Variants in CRBN observed in about 807,000 individuals in gnomAD.
The protein encoded by CRBN is cereblon, also known as protein cereblon.
A neutral mutation model predicts 62.2 loss-of-function variants in CRBN; 53 were observed. The observed-to-expected ratio is 0.85, with a 90% CI of 0.68 to 1.07. CRBN has a LOEUF of 1.07. CRBN is among the 50% of genes least tolerant of loss of function. CRBN has a pLI of 0.00. For synonymous variants in CRBN, 208 were observed against 176.1 expected (o/e 1.18, Z -1.43); for missense variants, 616 against 531.1 (o/e 1.16, Z -1.57).
At chr3:3,172,966 G>A (rs533034525) in intron 3 of CRBN, 41 bp from the exon 4 acceptor site, 14 of 1,546,480 alleles carry the variant, frequency 9.1e-6, no homozygotes, top group Middle Eastern at 3.4e-4. Flanking sequence ...TTGAACATTT[G>A]AGTTTTAAAT....
intron 4 of CRBN, among the ~76,000 whole-genome samples, chr3:3,168,517 G>A (rs1280741164): frequency 1.3e-5 from 2 of 152,160 alleles, no homozygotes; most frequent in African/African-American, 4.8e-5. Flanking sequence ...CTTCCTGTGA[G>A]GCATTCTATC....
At chr3:3,179,695 T>C, upstream of CRBN, 1 of 1,612,932 alleles carries the variant, frequency 6.2e-7, no homozygotes, top group Non-Finnish European at 8.5e-7. Context: ...CATGTCTGTT[T>C]ACCCGCAAAG....
upstream of CRBN, chr3:3,179,707 A>G: frequency 6.2e-7 from 1 of 1,610,596 alleles, no homozygotes; most frequent in Non-Finnish European, 8.5e-7. Context: ...CCCGCAAAGG[A>G]GGCTGGGACA....
At chr3:3,176,349 T>G (rs1173113850) in intron 1 of CRBN, among the ~76,000 whole-genome samples, 2 of 152,186 alleles carry the variant, frequency 1.3e-5, no homozygotes, top group East Asian at 3.8e-4. Flanking sequence ...GCAGGCAAGA[T>G]CTGTTAATTA....
rs1450467473 is a variant in CRBN, at chr3:3,167,684, C to T, written c.637G>A (p.Val213Ile). Residue 213 changes from valine to isoleucine, a missense_variant, in exon 5 of 11, where the codon GTC becomes ATC. Val to Ile is a conservative substitution (Grantham distance 29). Transcript: ENST00000231948. ...NKCQIFPSKP[V>I]SREDQCSYKW... ...TATGAACATTGGTCTTCTCTTGAGA[C>T]AGGTTTTGAAGGAAATATCTGGCAC... is the stretch of plus-strand genomic sequence containing the variant. 1.9e-6 allele frequency: 3 copies of T among 1,613,396 alleles called. No homozygotes were observed. The highest frequency in any genetic ancestry group is 1.7e-6 in the Non-Finnish European group (2 of 1,179,618).
chr3:3,151,833 A>AAACAAACG (rs1706577290), intron 10 of CRBN, among the ~76,000 whole-genome samples: 3 of 151,894 alleles, frequency 2.0e-5, no homozygotes, highest in South Asian at 2.1e-4. Flanking sequence ...TGAAGCAAAC[A>AAACAAACG]AACAAAAGGC....
At chr3:3,178,392 G>A (rs957270899) in intron 1 of CRBN, among the ~76,000 whole-genome samples, 1 of 152,198 alleles carries the variant, frequency 6.6e-6, no homozygotes, top group African/African-American at 2.4e-5. Flanking sequence ...TCCAAGCATA[G>A]ATTTCTTTAG....
chr3:3,169,155 C>G (rs1264972407), intron 4 of CRBN, among the ~76,000 whole-genome samples: 1 of 152,114 alleles, frequency 6.6e-6, no homozygotes, highest in Non-Finnish European at 1.5e-5. Flanking sequence ...GCTTACAGAT[C>G]ATGTTAATTA....
In CRBN at chr3:3,172,794, A is replaced by G. The variant is rs1707674497; in HGVS notation, c.509T>C (p.Leu170Pro). The change falls in exon 4 of 11, where the codon CTA (leucine) becomes CCA (proline). Residue 170 changes from leucine to proline, a missense_variant. Coordinates refer to ENST00000231948, the MANE Select transcript of CRBN (RefSeq NM_016302.4). The part of the protein sequence containing the change: ...IGRQRFKVLE[L>P]RTQSDGIQQA... ...TTCTTACCCATCTGACTGTGTTCTT[A>G]GCTCAAGGACTTTGAACCTTTGTCT... 6.2e-7 allele frequency: 1 copy of G among 1,613,910 alleles called. No individual in the cohort carries two copies. The highest frequency in any genetic ancestry group is 1.7e-5 in the Admixed American group (1 of 60,012).
chr3:3,175,126 ATATC>A (rs764439888), intron 2 of CRBN, 33 bp downstream of exon 2: 2 of 1,266,058 alleles, frequency 1.6e-6, no homozygotes, highest in Non-Finnish European at 2.3e-6. Flanking sequence ...ATTTAAATGT[ATATC>A]TATTATATTA....
Position 3,150,848 on chromosome 3 carries a change from A to ATCTC in CRBN, c.*13_*16dup. Reference sequence around the variant, plus strand: ...TATAACCAATTTGTTAGATAACTTTATCTCTATCACATCTGTTTACAAGCA... The same window carrying ATCTC: ...TATAACCAATTTGTTAGATAACTTTATCTCTCTCTATCACATCTGTTTACAAGCA... On this transcript the variant is annotated 3_prime_UTR_variant, in exon 11 of 11. Coordinates refer to ENST00000231948, the MANE Select transcript of CRBN (RefSeq NM_016302.4). 6.7e-7 allele frequency: 1 copy of ATCTC among 1,484,546 alleles called. No homozygotes were observed. The highest frequency in any genetic ancestry group is 1.4e-5 in the African/African-American group (1 of 71,356). The allele number at this position is 1,484,546 out of a possible 1,614,324, so 92.0% of individuals were successfully genotyped here.
chr3:3,166,011 CA>C (rs1326405060), intron 5 of CRBN, among the ~76,000 whole-genome samples: 10 of 152,084 alleles, frequency 6.6e-5, no homozygotes, highest in Non-Finnish European at 4.4e-5. Context: ...ACTATGGGAG[CA>C]AAATTTCTCA....
At chr3:3,163,065 C>T (rs1237099520) in intron 5 of CRBN, among the ~76,000 whole-genome samples, 1 of 152,178 alleles carries the variant, frequency 6.6e-6, no homozygotes, top group Non-Finnish European at 1.5e-5. Context: ...CTTTTTGATG[C>T]ACACAGAATG....
chr3:3,171,148 G>T (rs1559255063), intron 4 of CRBN, among the ~76,000 whole-genome samples: 2 of 152,108 alleles, frequency 1.3e-5, no homozygotes, highest in East Asian at 3.9e-4. Flanking sequence ...TCCTTGTCTT[G>T]TTTTCAGAGT....
intron 8 of CRBN, 99 bp from the exon 9 acceptor site, chr3:3,153,587 G>T (rs1706734102): frequency 1.3e-6 from 1 of 774,920 alleles, no homozygotes; most frequent in Non-Finnish European, 2.4e-6. Flanking sequence ...TAAAGATATT[G>T]CTCTCTCTGA....
chr3:3,152,925 G>T, intron 9 of CRBN: 2 of 342,870 alleles, frequency 5.8e-6, no homozygotes, highest in Admixed American at 4.4e-5. Flanking sequence ...ACAAGGTCCT[G>T]TGTGGTCATT....
intron 5 of CRBN, among the ~76,000 whole-genome samples, chr3:3,162,916 C>G (rs926713592): frequency 6.6e-6 from 1 of 152,206 alleles, no homozygotes; most frequent in Non-Finnish European, 1.5e-5. Context: ...TGTCTAAAGA[C>G]AAACACTGTT....
At chr3:3,173,193 G>A (rs1707696160) in intron 3 of CRBN, among the ~76,000 whole-genome samples, 1 of 152,090 alleles carries the variant, frequency 6.6e-6, no homozygotes, top group Non-Finnish European at 1.5e-5. Context: ...GAGTAGCTGG[G>A]ATTACAGGCA....
chr3:3,166,005 T>C (rs1021659953), intron 5 of CRBN, among the ~76,000 whole-genome samples: 21 of 152,282 alleles, frequency 1.4e-4, no homozygotes, highest in East Asian at 7.7e-4. Flanking sequence ...AAAATGACTA[T>C]GGGAGCAAAA....
Sources: allele counts gnomAD v4.1 joint callset (sites outside exome capture counted in the v4.1 genomes callset), GRCh38; gene constraint gnomAD v4.1.1; transcripts MANE v1.5; gene names NCBI Gene and HGNC (gene_info 2026-07-23, HGNC 2026-07-21).